The following DRC4 variants were observed in gnomAD, a reference collection of about 807,000 sequenced individuals.
DRC4 encodes dynein regulatory complex subunit 4.
At chr16:90,032,183 G>A in the DRC4 span, among the ~76,000 whole-genome samples, 1 of 151,522 alleles carries the variant, frequency 6.6e-6, no homozygotes, top group Admixed American at 6.6e-5. Context: ...GTACAGGTAT[G>A]TACAGGTGAG....
chr16:90,036,087 G>A, the DRC4 span: 25 of 604,384 alleles, frequency 4.1e-5, no homozygotes, highest in Admixed American at 1.7e-4. Context: ...CACAGGCCTC[G>A]GTTACTGCTC....
the DRC4 span, among the ~76,000 whole-genome samples, chr16:90,023,620 A>G: frequency 0.12 from 18,735 of 150,264 alleles, 2,649 homozygotes; most frequent in East Asian, 0.63. Flanking sequence ...AGAGCAGTAC[A>G]TTACGAATTA....
chr16:90,038,902 G>A, the DRC4 span, among the ~76,000 whole-genome samples: 1 of 152,150 alleles, frequency 6.6e-6, no homozygotes, highest in African/African-American at 2.4e-5. Flanking sequence ...TGGTGTGCGG[G>A]GCCAGGGCAT....
At chr16:90,021,572 T>A in the DRC4 span, among the ~76,000 whole-genome samples, 2 of 151,890 alleles carry the variant, frequency 1.3e-5, no homozygotes, top group Admixed American at 6.6e-5. Flanking sequence ...TAAGAAGATG[T>A]TAAAGATGAG....
the DRC4 span, chr16:90,044,290 C>A: frequency 2.3e-6 from 1 of 433,700 alleles, no homozygotes; most frequent in South Asian, 1.6e-5. Context: ...AAAGCCTGAC[C>A]CTGGGCAGGT....
At chr16:90,027,242 C>T in the DRC4 span, among the ~76,000 whole-genome samples, 517 of 152,110 alleles carry the variant, frequency 3.4e-3, 5 homozygotes, top group African/African-American at 0.012. Context: ...CCCACCGGCA[C>T]GCCCGGCTAA....
the DRC4 span, chr16:90,043,651 G>T: frequency 1.8e-6 from 1 of 567,918 alleles, no homozygotes; most frequent in African/African-American, 1.9e-5. Flanking sequence ...CACTCACCTG[G>T]GGGTTGGGGC....
the DRC4 span, chr16:90,037,126 C>A: frequency 8.6e-7 from 1 of 1,157,096 alleles, no homozygotes; most frequent in Non-Finnish European, 1.2e-6. Context: ...CTGAGGCTGG[C>A]AGCAGCTGGT....
the DRC4 span, chr16:90,042,796 C>T: frequency 3.8e-6 from 2 of 533,262 alleles, no homozygotes; most frequent in East Asian, 3.2e-5. Context: ...TGGTCAGCCC[C>T]TTCCCCTGGG....
At chr16:90,026,807 CA>C in the DRC4 span, among the ~76,000 whole-genome samples, 2 of 151,862 alleles carry the variant, frequency 1.3e-5, no homozygotes, top group African/African-American at 4.8e-5. Context: ...CTTGGCCTCC[CA>C]AAGTGCTGGG....
At chr16:90,032,088 TGAG>T in the DRC4 span, among the ~76,000 whole-genome samples, 10 of 149,806 alleles carry the variant, frequency 6.7e-5, no homozygotes, top group South Asian at 6.4e-4. Context: ...AATTTACAGG[TGAG>T]GAGGTGTACA....
chr16:90,035,720 C>T, the DRC4 span: 2 of 1,614,024 alleles, frequency 1.2e-6, no homozygotes, highest in Non-Finnish European at 1.7e-6. Flanking sequence ...GTGTAGGTGC[C>T]AGAGACACCC....
the DRC4 span, chr16:90,036,720 C>T: frequency 6.3e-6 from 5 of 796,822 alleles, no homozygotes; most frequent in Admixed American, 6.0e-5. Flanking sequence ...TTTGACAATG[C>T]CCCTCTCATA....
At chr16:90,032,870 G>A in the DRC4 span, 7 of 1,613,924 alleles carry the variant, frequency 4.3e-6, no homozygotes, top group Non-Finnish European at 5.1e-6. Context: ...CACTGAAGGT[G>A]GAGCTCAAGG....
the DRC4 span, chr16:90,020,170 T>C: frequency 9.6e-6 from 5 of 523,308 alleles, no homozygotes; most frequent in Non-Finnish European, 1.4e-5. Context: ...AGTACTTCAA[T>C]ATTTATCTCT....
the DRC4 span, chr16:90,022,796 T>A: frequency 7.9e-7 from 1 of 1,258,292 alleles, no homozygotes; most frequent in Non-Finnish European, 1.0e-6. Flanking sequence ...GAGGCCTCGG[T>A]ACACGGAGAC....
the DRC4 span, chr16:90,031,140 G>A: frequency 1.9e-5 from 28 of 1,483,884 alleles, no homozygotes; most frequent in African/African-American, 2.5e-4. Context: ...TGTCTCCGGA[G>A]CTTCCTAGCC....
At chr16:90,040,380 C>T in the DRC4 span, 14 of 1,611,024 alleles carry the variant, frequency 8.7e-6, no homozygotes, top group South Asian at 1.3e-4. Flanking sequence ...GGTTCAAGAA[C>T]CTCGTGCTAG....
At chr16:90,027,220 G>A in the DRC4 span, among the ~76,000 whole-genome samples, 2 of 151,762 alleles carry the variant, frequency 1.3e-5, no homozygotes, top group Admixed American at 6.6e-5. Context: ...CGAGTAGCTG[G>A]GACTACAGGC....
Sources: gnomAD v4.1 joint callset for allele counts (sites outside exome capture counted in the v4.1 genomes callset) on GRCh38, gnomAD v4.1.1 for gene constraint, MANE v1.5 for transcripts, NCBI Gene and HGNC (gene_info 2026-07-23, HGNC 2026-07-21) for gene names.